Variants in LPIN1 observed in about 807,000 individuals in gnomAD.
LPIN1 encodes the protein phosphatidate phosphatase LPIN1.
Under a neutral mutation model 107.5 loss-of-function variants are expected in LPIN1, and 71 were observed. That is an observed-to-expected ratio of 0.66 (90% CI 0.55 to 0.80). The LOEUF is 0.80. Among genes scored for constraint, LPIN1 ranks in the 30% least tolerant of loss-of-function variants. The probability of loss-of-function intolerance (pLI) is 0.00; values close to 1 mark genes in which losing one functional copy is unlikely to be tolerated. For missense variants in LPIN1, 1,043 were observed against 1,160.6 expected (o/e 0.90, Z 1.47); for synonymous variants, 445 against 452.6 (o/e 0.98, Z 0.21).
rs1558310649 is a variant in LPIN1, at chr2:11,819,537, T to TC, written c.2457dup (p.Lys820GlnfsTer21). 4 of 1,614,118 alleles carry TC rather than the reference T, an allele frequency of 2.5e-6. No individual in the cohort carries two copies. The South Asian group carries it at 4.4e-5, about 18-fold the overall frequency. ...TTTAAAGTCCAGTGTTTGACAGACA[T>TC]CAAAAACCTGTTTTTCCCCAACACA... On this transcript the variant is annotated frameshift_variant, in exon 19 of 21. Coordinates refer to ENST00000674199, the MANE Select transcript of LPIN1 (RefSeq NM_001349206.2). LOFTEE classifies it high-confidence loss of function.
Position 11,824,995 on chromosome 2 carries a change from G to T in LPIN1, c.*204G>T. On this transcript the variant is annotated 3_prime_UTR_variant, in exon 21 of 21. Coordinates refer to ENST00000674199, the MANE Select transcript of LPIN1 (RefSeq NM_001349206.2). ...AAGATAGGAAGGGAGCACTTTCTAG[G>T]CTAGGAGTTGGGTGCATTTGTACCG... is the stretch of plus-strand genomic sequence containing the variant. 1 of 614,704 alleles carries T rather than the reference G, an allele frequency of 1.6e-6. No individual in the cohort carries two copies. The highest frequency in any genetic ancestry group is 1.9e-5 in the South Asian group (1 of 51,392). The allele number at this position is 614,704 out of a possible 1,614,324, so 38.1% of individuals were successfully genotyped here.
intron 12 of LPIN1, chr2:11,791,711 T>A: frequency 7.0e-7 from 1 of 1,424,354 alleles, no homozygotes; most frequent in Non-Finnish European, 9.4e-7. Flanking sequence ...TCTTAAGTCT[T>A]CATGCTTAAG....
chr2:11,793,841 C>G (rs1676208261), intron 13 of LPIN1, among the ~76,000 whole-genome samples: 4 of 152,206 alleles, frequency 2.6e-5, no homozygotes, highest in Non-Finnish European at 5.9e-5. Context: ...CCCGAAACTT[C>G]ATGAGGCAGA....
chr2:11,773,133 G>A (rs1381000209), intron 4 of LPIN1, among the ~76,000 whole-genome samples: 1 of 152,218 alleles, frequency 6.6e-6, no homozygotes, highest in Non-Finnish European at 1.5e-5. Flanking sequence ...GTCATTTGCA[G>A]TTATTCTGTA....
chr2:11,752,386 C>T (rs1667931644), intron 1 of LPIN1, among the ~76,000 whole-genome samples: 1 of 149,604 alleles, frequency 6.7e-6, no homozygotes, highest in Non-Finnish European at 1.5e-5. Context: ...CAAATGTGAA[C>T]TGTCTATATG....
At chr2:11,683,806 C>T (rs564429764) in intron 1 of LPIN1, among the ~76,000 whole-genome samples, 3 of 152,322 alleles carry the variant, frequency 2.0e-5, no homozygotes, top group East Asian at 3.9e-4. Context: ...TGGTGAAAGC[C>T]AGGCTTTGTC....
intron 20 of LPIN1, among the ~76,000 whole-genome samples, chr2:11,823,475 C>T (rs1681915346): frequency 6.6e-6 from 1 of 152,236 alleles, no homozygotes; most frequent in Non-Finnish European, 1.5e-5. Flanking sequence ...TTTGTGCAAG[C>T]ACACTGTTTC....
chr2:11,740,723 A>G, intron 1 of LPIN1, among the ~76,000 whole-genome samples: 1 of 107,452 alleles, frequency 9.3e-6, no homozygotes, highest in East Asian at 2.0e-4. Flanking sequence ...AAAGAAAAGA[A>G]AAGAAAGAAA....
rs899166834 is a variant in LPIN1, at chr2:11,776,190, A to C, written c.827A>C (p.Glu276Ala). 9 of 1,531,050 alleles carry C rather than the reference A, an allele frequency of 5.9e-6. No individual in the cohort carries two copies. Among genetic ancestry groups the C allele is most frequent in the Non-Finnish European group, 7.9e-6 (9 of 1,132,194 alleles). The allele number at this position is 1,531,050 out of a possible 1,614,324, so 94.8% of individuals were successfully genotyped here. A position where few individuals can be genotyped will look rare whatever the true frequency, so the allele number is the denominator to read the frequency against. ...PPQSSLFHPS[E>A]SPSGSRPSTP... ...CAGTCTTCCCTGTTCCATCCTTCGG[A>C]AAGGTAGAGGAGTTATTTTCCCCAT... The change falls in exon 6 of 21, where the codon GAA (glutamate) becomes GCA (alanine). Residue 276 changes from glutamate to alanine, a missense_variant. Transcript: ENST00000674199.
chr2:11,814,426 G>T (rs1680208816), intron 17 of LPIN1, among the ~76,000 whole-genome samples: 1 of 152,018 alleles, frequency 6.6e-6, no homozygotes, highest in African/African-American at 2.4e-5. Flanking sequence ...CTTGTAGTCA[G>T]CTTTTTGGAA....
At chr2:11,752,128 A>G (rs1667892363) in intron 1 of LPIN1, among the ~76,000 whole-genome samples, 1 of 152,190 alleles carries the variant, frequency 6.6e-6, no homozygotes, top group Admixed American at 6.5e-5. Context: ...CTGTATTTGT[A>G]CAATCAGTTC....
At chr2:11,693,812 ATATATATATATTTTTTTTTT>A (rs1456291123) in intron 1 of LPIN1, among the ~76,000 whole-genome samples, 1 of 31,354 alleles carries the variant, frequency 3.2e-5, no homozygotes, top group Admixed American at 5.8e-4. Context: ...ATATATATAT[ATATATATATATTTTTTTTTT>A]TTTTTTTTTT....
chr2:11,721,113 G>T (rs1664100724), upstream of LPIN1, among the ~76,000 whole-genome samples: 1 of 152,068 alleles, frequency 6.6e-6, no homozygotes, highest in African/African-American at 2.4e-5. Context: ...GGGAGGGAGA[G>T]GAGAAAATAT....
At chr2:11,721,275 T>C (rs990375998), upstream of LPIN1, among the ~76,000 whole-genome samples, 1 of 150,400 alleles carries the variant, frequency 6.6e-6, no homozygotes, top group African/African-American at 2.5e-5. Flanking sequence ...TGTGTGTGTG[T>C]GTGTGTGTGT....
At chr2:11,817,582 T>C (rs530419650) in intron 18 of LPIN1, 2 of 151,888 alleles carry the variant, frequency 1.3e-5, no homozygotes, top group Non-Finnish European at 2.9e-5. Context: ...AGGGGTGCAG[T>C]TTAATTTTTT....
At chr2:11,760,394 T>C (rs1466709086) in intron 1 of LPIN1, among the ~76,000 whole-genome samples, 2 of 152,178 alleles carry the variant, frequency 1.3e-5, no homozygotes, top group East Asian at 1.9e-4. Context: ...TGGGCAACAT[T>C]GAGCACTGAG....
chr2:11,724,801 G>A (rs1395509936), intron 1 of LPIN1, among the ~76,000 whole-genome samples: 1 of 152,238 alleles, frequency 6.6e-6, no homozygotes, highest in Non-Finnish European at 1.5e-5. Context: ...AAGACAGGGA[G>A]TTTTGATTCT....
At chr2:11,802,788 C>T in intron 14 of LPIN1, 119 bp from the exon 15 acceptor site, 6 of 1,197,642 alleles carry the variant, frequency 5.0e-6, no homozygotes, top group East Asian at 2.3e-5. Context: ...AAATGACCAC[C>T]CGAGAGACGG....
intron 11 of LPIN1, 103 bp downstream of exon 11, chr2:11,787,270 AGACTTTGCTACATTGCATTATT>A: frequency 1.2e-6 from 1 of 848,626 alleles, no homozygotes; most frequent in Non-Finnish European, 2.0e-6. Context: ...TATAAAATAA[AGACTTTGCTACATTGCATTATT>A]GCATTATCTT....
Sources: gnomAD v4.1 joint callset for allele counts (sites outside exome capture counted in the v4.1 genomes callset) on GRCh38, gnomAD v4.1.1 for gene constraint, MANE v1.5 for transcripts, NCBI Gene and HGNC (gene_info 2026-07-23, HGNC 2026-07-21) for gene names.